The following VWA3B variants were observed in gnomAD, a reference collection of about 807,000 sequenced individuals.
The protein encoded by VWA3B is von Willebrand factor A domain-containing protein 3B.
Under a neutral mutation model 158.3 loss-of-function variants are expected in VWA3B, and 138 were observed. That is an observed-to-expected ratio of 0.87 (90% confidence interval 0.76 to 1.00). The LOEUF is 1.00. Ranked by LOEUF, VWA3B falls within the 50% of genes least tolerant of loss-of-function variation. The pLI is 0.00. For missense variants in VWA3B, 1,555 were observed against 1,565.1 expected, an observed-to-expected ratio of 0.99 and a Z score of 0.11; for synonymous variants, 596 against 587.3, an observed-to-expected ratio of 1.01 and a Z score of -0.21.
chr2:98,144,055 G>A (rs1271247307), intron 7 of VWA3B, among the ~76,000 whole-genome samples: 1 of 151,738 alleles, frequency 6.6e-6, no homozygotes, highest in African/African-American at 2.4e-5. Flanking sequence ...TATGAATGGG[G>A]TAATAATGTT....
chr2:98,090,692 A>C (rs1344932804), intron 1 of VWA3B, among the ~76,000 whole-genome samples: 1 of 152,180 alleles, frequency 6.6e-6, no homozygotes, highest in Non-Finnish European at 1.5e-5. Context: ...TTGCAACTCA[A>C]CATATGTGGA....
intron 26 of VWA3B, among the ~76,000 whole-genome samples, chr2:98,310,508 G>A (rs1690820970): frequency 6.6e-6 from 1 of 152,090 alleles, no homozygotes; most frequent in Admixed American, 6.5e-5. Context: ...CTTAGGGACT[G>A]GACTGTAATC....
At chr2:98,204,524 T>C (rs753823291) in intron 12 of VWA3B, among the ~76,000 whole-genome samples, 2 of 152,254 alleles carry the variant, frequency 1.3e-5, no homozygotes. Flanking sequence ...TATGATTTTT[T>C]TTCCAAATTT....
chr2:98,177,631 C>G (rs748281788), intron 8 of VWA3B, among the ~76,000 whole-genome samples: 11 of 151,692 alleles, frequency 7.3e-5, no homozygotes, highest in Non-Finnish European at 1.3e-4. Flanking sequence ...GCTTGGTCAT[C>G]CTTTCTTTCC....
chr2:98,261,665 T>G (rs1252339907), intron 21 of VWA3B, among the ~76,000 whole-genome samples: 2 of 151,758 alleles, frequency 1.3e-5, no homozygotes, highest in Non-Finnish European at 3.0e-5. Flanking sequence ...AAGAGTAGTG[T>G]TACTAGATAG....
At chr2:98,316,624 G>A (rs1691093016), downstream of VWA3B, among the ~76,000 whole-genome samples, 3 of 148,730 alleles carry the variant, frequency 2.0e-5, no homozygotes, top group South Asian at 6.4e-4. Context: ...CCCAGCGTGG[G>A]CAACAAAGTG....
intron 21 of VWA3B, among the ~76,000 whole-genome samples, chr2:98,266,465 G>A (rs1223597040): frequency 6.6e-6 from 1 of 151,658 alleles, no homozygotes; most frequent in African/African-American, 2.4e-5. Flanking sequence ...AGTATAGTTT[G>A]AAGTCAGGTA....
At chr2:98,218,189 G>A (rs1684196660) in intron 14 of VWA3B, among the ~76,000 whole-genome samples, 161 bp downstream of exon 14, 1 of 152,136 alleles carries the variant, frequency 6.6e-6, no homozygotes, top group Non-Finnish European at 1.5e-5. Flanking sequence ...TTCTCAGAAT[G>A]TAGCCCAAGG....
intron 21 of VWA3B, among the ~76,000 whole-genome samples, chr2:98,261,150 GT>G: frequency 6.6e-6 from 1 of 151,592 alleles, no homozygotes; most frequent in Non-Finnish European, 1.5e-5. Flanking sequence ...CTAATGGGTC[GT>G]TGTGATCGCT....
intron 14 of VWA3B, 64 bp from the exon 15 acceptor site, chr2:98,228,138 A>G: frequency 6.6e-7 from 1 of 1,506,496 alleles, no homozygotes; most frequent in Non-Finnish European, 8.9e-7. Flanking sequence ...AAGAAAAGAA[A>G]CATGTTTGGA....
In VWA3B at chr2:98,304,877, G is replaced by A. The variant is rs530636023; in HGVS notation, c.3521+1075G>A. ...AATACCGTTCCCTTGGTTCCGCAGT[G>A]TGATCCAGCATGCTCCCTGCCCTTC... On this transcript the variant is annotated intron_variant, in intron 26 of 27. Coordinates refer to ENST00000477737, the MANE Select transcript of VWA3B (RefSeq NM_144992.5). Among the ~76,000 whole-genome samples, 77 of 152,258 alleles carry A rather than the reference G, an allele frequency of 5.1e-4. 1 individual carries two copies. In the South Asian group the frequency reaches 7.7e-3, roughly 15 times the overall value.
chr2:98,230,285 T>A, intron 16 of VWA3B, 78 bp downstream of exon 16: 1 of 1,347,360 alleles, frequency 7.4e-7, no homozygotes, highest in Non-Finnish European at 9.7e-7. Flanking sequence ...TAAACCCACA[T>A]AATATTTTTA....
At chr2:98,287,350 G>A (rs1024478624) in intron 22 of VWA3B, among the ~76,000 whole-genome samples, 3 of 152,130 alleles carry the variant, frequency 2.0e-5, no homozygotes, top group Admixed American at 1.3e-4. Flanking sequence ...TTGCTTTTCA[G>A]AATCCTTAAA....
At chr2:98,095,058 G>A (rs545755819) in intron 2 of VWA3B, among the ~76,000 whole-genome samples, 18 of 152,284 alleles carry the variant, frequency 1.2e-4, no homozygotes, top group African/African-American at 3.6e-4. Context: ...CAGGTAATGT[G>A]ATGCCTCCAG....
chr2:98,108,529 A>G (rs1573780548), intron 2 of VWA3B, among the ~76,000 whole-genome samples: 1 of 152,090 alleles, frequency 6.6e-6, no homozygotes. Context: ...TTGCAGTTCT[A>G]TTGGGTGATA....
chr2:98,155,057 G>A (rs1346339331), intron 7 of VWA3B, among the ~76,000 whole-genome samples: 1 of 152,184 alleles, frequency 6.6e-6, no homozygotes, highest in African/African-American at 2.4e-5. Context: ...ACGGTTTAAT[G>A]AAGAAGACAA....
At chr2:98,261,162 C>T (rs1313410568) in intron 21 of VWA3B, among the ~76,000 whole-genome samples, 5 of 151,662 alleles carry the variant, frequency 3.3e-5, no homozygotes, top group Admixed American at 6.6e-5. Flanking sequence ...TGTGATCGCT[C>T]TTTATTTCCT....
chr2:98,316,331 C>T (rs954494433), downstream of VWA3B, among the ~76,000 whole-genome samples: 2 of 152,072 alleles, frequency 1.3e-5, no homozygotes, highest in Non-Finnish European at 2.9e-5. Context: ...TGGTTTCCAC[C>T]CCAAAATCAC....
In VWA3B at chr2:98,231,070, T is replaced by C. The variant is rs149131636; in HGVS notation, c.2308+863T>C. Among the ~76,000 whole-genome samples, 1,040 of 152,292 alleles carry C rather than the reference T, an allele frequency of 6.8e-3. 10 individuals carry two copies. The highest frequency in any genetic ancestry group is 0.024 in the African/African-American group (991 of 41,560). ...ATAAAATAAAATAATTAGGTGAACA[T>C]GTAACGAAGTATGTGCAGAATCTGT... is the stretch of plus-strand genomic sequence containing the variant. On this transcript the variant is annotated intron_variant, in intron 16 of 27. Transcript: ENST00000477737.
Sources: gnomAD v4.1 joint callset for allele counts (sites outside exome capture counted in the v4.1 genomes callset) on GRCh38, gnomAD v4.1.1 for gene constraint, MANE v1.5 for transcripts, NCBI Gene and HGNC (gene_info 2026-07-23, HGNC 2026-07-21) for gene names.